The following ZRANB3 variants were observed in gnomAD, a reference collection of about 807,000 sequenced individuals.
The protein encoded by ZRANB3 is DNA annealing helicase and endonuclease ZRANB3.
Under a neutral mutation model 133.8 loss-of-function variants are expected in ZRANB3, and 125 were observed. That is an observed-to-expected ratio of 0.93 (90% CI 0.81 to 1.08). The LOEUF is 1.08. ZRANB3 is among the 50% of genes least tolerant of loss of function. The pLI is 0.00. For synonymous variants in ZRANB3, 387 were observed against 432.7 expected, an observed-to-expected ratio of 0.89 and a Z score of 1.31; for missense variants, 1,229 against 1,275.5, an observed-to-expected ratio of 0.96 and a Z score of 0.56.
chr2:135,254,613 G>GA (rs1336478818), intron 12 of ZRANB3, among the ~76,000 whole-genome samples: 11 of 151,764 alleles, frequency 7.2e-5, no homozygotes, highest in Non-Finnish European at 1.3e-4. Context: ...ACTCAGTCTT[G>GA]AAAAAAACAA....
At chr2:135,515,526 T>A (rs910144539) in intron 1 of ZRANB3, among the ~76,000 whole-genome samples, 8 of 152,212 alleles carry the variant, frequency 5.3e-5, no homozygotes, top group African/African-American at 1.9e-4. Flanking sequence ...TACTTCCGCC[T>A]TCATTTCGTT....
intron 6 of ZRANB3, among the ~76,000 whole-genome samples, chr2:135,334,034 C>T (rs1012542441): frequency 1.3e-5 from 2 of 152,144 alleles, no homozygotes; most frequent in Non-Finnish European, 2.9e-5. Flanking sequence ...TACCTAACTC[C>T]GTCACTATCT....
chr2:135,458,811 A>C (rs1690640091), intron 2 of ZRANB3, among the ~76,000 whole-genome samples: 1 of 152,132 alleles, frequency 6.6e-6, no homozygotes, highest in South Asian at 2.1e-4. Flanking sequence ...TGCTAAATTT[A>C]TTATTTTGCT....
intron 1 of ZRANB3, among the ~76,000 whole-genome samples, chr2:135,522,957 T>C (rs537098372): frequency 1.3e-5 from 2 of 152,324 alleles, no homozygotes; most frequent in East Asian, 1.9e-4. Flanking sequence ...AATAACCTTT[T>C]AGAAGGCTAC....
chr2:135,222,867 T>C (rs1694609235), intron 15 of ZRANB3, among the ~76,000 whole-genome samples: 1 of 152,116 alleles, frequency 6.6e-6, no homozygotes, highest in African/African-American at 2.4e-5. Context: ...TCCTAGCACT[T>C]TAGGAGGCTG....
chr2:135,312,923 GGAA>G (rs1213397931), intron 8 of ZRANB3, among the ~76,000 whole-genome samples: 1 of 151,612 alleles, frequency 6.6e-6, no homozygotes, highest in Non-Finnish European at 1.5e-5. Flanking sequence ...GGGAGGCTGA[GGAA>G]GGAGAATTGC....
chr2:135,501,174 C>T (rs1268053579), intron 2 of ZRANB3, among the ~76,000 whole-genome samples: 1 of 151,852 alleles, frequency 6.6e-6, no homozygotes, highest in Non-Finnish European at 1.5e-5. Context: ...AAAAATTAGA[C>T]TGATTTTTTT....
chr2:135,340,104 C>CTTTTT (rs769541283), intron 6 of ZRANB3, among the ~76,000 whole-genome samples: 2 of 123,776 alleles, frequency 1.6e-5, no homozygotes, highest in Non-Finnish European at 1.8e-5. Context: ...TGTCCCTTTT[C>CTTTTT]TTTTTTTTTT....
At chr2:135,514,330 G>T (rs1003182642) in intron 1 of ZRANB3, among the ~76,000 whole-genome samples, 3 of 152,120 alleles carry the variant, frequency 2.0e-5, no homozygotes, top group African/African-American at 7.2e-5. Flanking sequence ...GCAGTGGTTT[G>T]TAGTTCTCCT....
intron 2 of ZRANB3, among the ~76,000 whole-genome samples, chr2:135,493,955 T>C (rs1692534722): frequency 6.6e-6 from 1 of 152,054 alleles, no homozygotes; most frequent in Non-Finnish European, 1.5e-5. Context: ...AAACATTATA[T>C]TGAGTGAGAG....
Position 135,207,655 on chromosome 2 carries a change from A to G in ZRANB3, c.2788T>C (p.Ser930Pro). ...CQTKQACKAN[S>P]WDSRFCSLKC... ...AGAGAGCAAAACCGTGAATCCCAAG[A>G]GTTCGCTTTACATGCTTGCTTAGTC... The change falls in exon 19 of 21, where the codon TCT becomes CCT. Residue 930 changes from serine (S) to proline (P), a missense_variant. Transcript: ENST00000264159. 3.1e-6 allele frequency: 5 copies of G among 1,614,034 alleles called. No individual in the cohort carries two copies. Among genetic ancestry groups the G allele is most frequent in the Non-Finnish European group, 4.2e-6 (5 of 1,179,888 alleles).
intron 2 of ZRANB3, among the ~76,000 whole-genome samples, chr2:135,406,225 A>G (rs2104946941): frequency 6.6e-6 from 1 of 152,356 alleles, no homozygotes; most frequent in South Asian, 2.1e-4. Context: ...AATCTAGAAG[A>G]AATGGATAAA....
rs753329571 is a variant in ZRANB3 at position 135,503,447 on chromosome 2, T to C, written c.161+882A>G. On this transcript the variant is annotated intron_variant, in intron 2 of 20. Coordinates refer to ENST00000264159, the MANE Select transcript of ZRANB3 (RefSeq NM_032143.4). ...TGTTGTATGTTTTTTAAACTGTTCA[T>C]AATAAAATGTTGAAGAGAAAGTATA... Among the ~76,000 whole-genome samples, 3 of 152,296 alleles carry C rather than the reference T, an allele frequency of 2.0e-5. No homozygotes were observed. In the East Asian group the frequency reaches 5.8e-4, roughly 29 times the overall value.
intron 2 of ZRANB3, among the ~76,000 whole-genome samples, chr2:135,487,648 A>G (rs1692184002): frequency 6.6e-6 from 1 of 152,138 alleles, no homozygotes; most frequent in African/African-American, 2.4e-5. Flanking sequence ...TTTTTCCTTA[A>G]TCCTCATGAA....
chr2:135,448,311 T>G (rs149459138), intron 2 of ZRANB3, among the ~76,000 whole-genome samples: 168 of 152,312 alleles, frequency 1.1e-3, no homozygotes, highest in Non-Finnish European at 1.1e-3. Flanking sequence ...AATTAATTGT[T>G]GAGTTGACAT....
intron 16 of ZRANB3, 26 bp downstream of exon 16, chr2:135,219,051 G>T: frequency 7.5e-7 from 1 of 1,330,872 alleles, no homozygotes; most frequent in Non-Finnish European, 9.9e-7. Flanking sequence ...AGTAAATAAA[G>T]CCATTTTATT....
chr2:135,520,557 C>T (rs1334480265), intron 1 of ZRANB3, among the ~76,000 whole-genome samples: 1 of 151,512 alleles, frequency 6.6e-6, no homozygotes, highest in Non-Finnish European at 1.5e-5. Flanking sequence ...GGACTACAGG[C>T]ATCTGCCACC....
At chr2:135,287,751 T>C (rs1425347850) in intron 8 of ZRANB3, among the ~76,000 whole-genome samples, 1 of 151,106 alleles carries the variant, frequency 6.6e-6, no homozygotes, top group African/African-American at 2.4e-5. Context: ...TGTTAGTGTA[T>C]AGCAATGTTA....
At chr2:135,252,311 T>C (rs1226537872) in intron 12 of ZRANB3, among the ~76,000 whole-genome samples, 1 of 152,186 alleles carries the variant, frequency 6.6e-6, no homozygotes, top group Non-Finnish European at 1.5e-5. Flanking sequence ...TTTACCTATG[T>C]GTCACCTTCC....
Sources: gnomAD v4.1 joint callset for allele counts (sites outside exome capture counted in the v4.1 genomes callset) on GRCh38, gnomAD v4.1.1 for gene constraint, MANE v1.5 for transcripts, NCBI Gene and HGNC (gene_info 2026-07-23, HGNC 2026-07-21) for gene names.